Variants in DGKB observed in about 807,000 individuals in gnomAD.
DGKB encodes 90 kDa diacylglycerol kinase.
DGKB carries 67 observed loss-of-function variants against 114.3 expected under a neutral mutation model. That is an observed-to-expected ratio of 0.59 (90% CI 0.48 to 0.72). The LOEUF is 0.72. Ranked by LOEUF, DGKB falls within the 30% of genes least tolerant of loss-of-function variation. The probability of loss-of-function intolerance (pLI) is 0.00; values close to 1 mark genes in which losing one functional copy is unlikely to be tolerated. For missense variants in DGKB, 907 were observed against 975.2 expected (o/e 0.93, Z 0.93); for synonymous variants, 398 against 323.1 (o/e 1.23, Z -2.49).
At chr7:14,504,995 G>A (rs924462355) in intron 20 of DGKB, among the ~76,000 whole-genome samples, 1 of 152,092 alleles carries the variant, frequency 6.6e-6, no homozygotes, top group Non-Finnish European at 1.5e-5. Flanking sequence ...ACACCTGTTG[G>A]GTCAGAAGTG....
At chr7:14,944,105 G>C (rs1487766080) in intron 1 of DGKB, among the ~76,000 whole-genome samples, 1 of 151,770 alleles carries the variant, frequency 6.6e-6, no homozygotes, top group African/African-American at 2.4e-5. Flanking sequence ...AAATTAATTA[G>C]TGTTGTTTTG....
intron 13 of DGKB, among the ~76,000 whole-genome samples, chr7:14,660,867 T>C (rs1189598460): frequency 2.0e-5 from 3 of 151,918 alleles, no homozygotes; most frequent in Admixed American, 2.0e-4. Flanking sequence ...TATAGATCAA[T>C]GGAACAGAAC....
intron 21 of DGKB, among the ~76,000 whole-genome samples, chr7:14,359,695 C>T (rs1815314378): frequency 2.0e-5 from 3 of 152,136 alleles, no homozygotes. Context: ...GACATTTATA[C>T]AGCCAACAGA....
At chr7:14,340,285 T>G (rs1174324711) in intron 22 of DGKB, among the ~76,000 whole-genome samples, 1 of 151,232 alleles carries the variant, frequency 6.6e-6, no homozygotes, top group Non-Finnish European at 1.5e-5. Context: ...CGCTATATAT[T>G]CTAGATAAAC....
At chr7:14,925,554 GTCT>G (rs1392100080) in intron 1 of DGKB, among the ~76,000 whole-genome samples, 3 of 151,994 alleles carry the variant, frequency 2.0e-5, no homozygotes, top group African/African-American at 7.2e-5. Flanking sequence ...TCTTATTTAG[GTCT>G]TCTTTGATTT....
chr7:14,226,647 C>T (rs1017650447), intron 23 of DGKB, among the ~76,000 whole-genome samples: 20 of 151,932 alleles, frequency 1.3e-4, no homozygotes, highest in African/African-American at 4.8e-4. Flanking sequence ...TCTTATGATT[C>T]ATACACATAT....
intron 6 of DGKB, among the ~76,000 whole-genome samples, chr7:14,703,445 T>C (rs1257421435): frequency 6.6e-6 from 1 of 152,200 alleles, no homozygotes; most frequent in African/African-American, 2.4e-5. Flanking sequence ...TTCTTCCTAT[T>C]TTCTGAAAAT....
intron 21 of DGKB, among the ~76,000 whole-genome samples, chr7:14,433,977 G>C (rs1828869570): frequency 6.6e-6 from 1 of 152,104 alleles, no homozygotes; most frequent in African/African-American, 2.4e-5. Flanking sequence ...TGTCACATGA[G>C]GTTAGGTGTG....
rs533461135 is a variant in DGKB at position 14,764,396 on chromosome 7, G to GTA, written c.71-6666_71-6665insTA. Among the ~76,000 whole-genome samples the GTA allele has an allele frequency of 1.8e-3, 272 of 151,958 alleles. 1 individual carries two copies. The Middle Eastern group carries it at 0.027, about 15-fold the overall frequency. ...GTTACATTTCATAAAGTTTCCCTTA[G>GTA]CTACATAGTACTTAAAAGTAGTGAA... On this transcript the variant is annotated intron_variant, in intron 2 of 25. Transcript: ENST00000402815.
chr7:14,227,138 G>C (rs1255088936), intron 23 of DGKB, among the ~76,000 whole-genome samples: 1 of 152,022 alleles, frequency 6.6e-6, no homozygotes, highest in African/African-American at 2.4e-5. Context: ...AGAAGTCCAG[G>C]GTTAGAATAC....
intron 23 of DGKB, among the ~76,000 whole-genome samples, chr7:14,217,853 C>T (rs539982493): frequency 1.3e-5 from 2 of 152,028 alleles, no homozygotes; most frequent in Non-Finnish European, 2.9e-5. Flanking sequence ...CACTTTTTAT[C>T]TTTTCTTTCT....
chr7:14,501,792 T>A (rs1786227395), intron 20 of DGKB, among the ~76,000 whole-genome samples: 2 of 151,930 alleles, frequency 1.3e-5, no homozygotes, highest in African/African-American at 4.8e-5. Context: ...ATAATTTGTT[T>A]CTTTAGTTAA....
intron 5 of DGKB, among the ~76,000 whole-genome samples, chr7:14,720,489 G>A (rs984343142): frequency 6.9e-6 from 1 of 145,290 alleles, no homozygotes; most frequent in African/African-American, 2.5e-5. Context: ...GTGTGTGTGT[G>A]TGTGTGTGTG....
intron 23 of DGKB, among the ~76,000 whole-genome samples, chr7:14,241,588 T>C (rs957634830): frequency 1.3e-5 from 2 of 152,064 alleles, no homozygotes; most frequent in East Asian, 3.9e-4. Context: ...AAAGCTTTTT[T>C]AAGTTGAATT....
intron 17 of DGKB, among the ~76,000 whole-genome samples, chr7:14,600,338 T>C (rs1010808052): frequency 2.0e-5 from 3 of 152,194 alleles, no homozygotes; most frequent in African/African-American, 7.2e-5. Flanking sequence ...TCAATATAAA[T>C]TTTGGAGAGA....
chr7:14,838,608 A>G (rs561512408), intron 2 of DGKB, among the ~76,000 whole-genome samples: 6 of 152,216 alleles, frequency 3.9e-5, no homozygotes, highest in Admixed American at 3.9e-4. Context: ...TTTCAATATT[A>G]TAAAATCTGA....
At chr7:14,822,712 G>C (rs371424038) in intron 2 of DGKB, among the ~76,000 whole-genome samples, 60 of 152,218 alleles carry the variant, frequency 3.9e-4, no homozygotes, top group African/African-American at 1.4e-3. Flanking sequence ...CTACAGAATA[G>C]AGGAAATCCT....
At chr7:14,207,010 T>C (rs1584448535) in intron 23 of DGKB, among the ~76,000 whole-genome samples, 1 of 151,934 alleles carries the variant, frequency 6.6e-6, no homozygotes, top group Admixed American at 6.6e-5. Context: ...ATGTTGGCAA[T>C]AACTTTTAAT....
intron 1 of DGKB, among the ~76,000 whole-genome samples, chr7:14,962,528 CT>C (rs1376256462): frequency 6.6e-6 from 1 of 151,938 alleles, no homozygotes; most frequent in Non-Finnish European, 1.5e-5. Context: ...TTGTCTCTTT[CT>C]TTTTACTCAT....
Sources: gnomAD v4.1 joint callset for allele counts (sites outside exome capture counted in the v4.1 genomes callset) on GRCh38, gnomAD v4.1.1 for gene constraint, MANE v1.5 for transcripts, NCBI Gene and HGNC (gene_info 2026-07-23, HGNC 2026-07-21) for gene names.